Variants in RNF152 observed in about 807,000 individuals in gnomAD.
RNF152 encodes the protein ring finger protein 152.
In RNF152, 11 loss-of-function variants were observed where a neutral mutation model predicts 12.7. The observed-to-expected ratio is 0.86, with a 90% CI of 0.54 to 1.43. RNF152 has a LOEUF of 1.43. RNF152 is among the 40% of genes most tolerant of loss of function. RNF152 has a pLI of 0.00. For missense variants in RNF152, 255 were observed against 274.8 expected (o/e 0.93, Z 0.51); for synonymous variants, 113 against 120.3 (o/e 0.94, Z 0.40).
chr18:61,850,114 T>C (rs946841297), intron 1 of RNF152, among the ~76,000 whole-genome samples: 24 of 152,224 alleles, frequency 1.6e-4, no homozygotes, highest in Non-Finnish European at 1.2e-4. Context: ...AATAATACGG[T>C]AGTGTTGAAA....
chr18:61,829,237 G>A (rs776112129), intron 1 of RNF152, among the ~76,000 whole-genome samples: 13 of 152,280 alleles, frequency 8.5e-5, no homozygotes, highest in Admixed American at 3.9e-4. Context: ...GGAAGGAGAC[G>A]CAGGGCACAG....
At chr18:61,861,324 G>A (rs1911467469) in intron 1 of RNF152, among the ~76,000 whole-genome samples, 1 of 152,050 alleles carries the variant, frequency 6.6e-6, no homozygotes, top group Non-Finnish European at 1.5e-5. Context: ...TCTCTTCCAT[G>A]TTTGCATAAA....
At chr18:61,844,831 C>T (rs1357090705) in intron 1 of RNF152, among the ~76,000 whole-genome samples, 3 of 151,664 alleles carry the variant, frequency 2.0e-5, no homozygotes, top group African/African-American at 4.9e-5. Context: ...TTTTAAAAGG[C>T]TCTGATGACC....
intron 1 of RNF152, among the ~76,000 whole-genome samples, chr18:61,839,912 A>T (rs1179976868): frequency 6.6e-6 from 1 of 152,100 alleles, no homozygotes; most frequent in African/African-American, 2.4e-5. Context: ...TTGTGACAGG[A>T]AAAAATATTT....
chr18:61,877,216 G>A (rs967163432), intron 1 of RNF152, among the ~76,000 whole-genome samples: 3 of 152,200 alleles, frequency 2.0e-5, no homozygotes, highest in African/African-American at 7.2e-5. Context: ...TTGGTCAGGG[G>A]TTCTGCGTAG....
intron 1 of RNF152, among the ~76,000 whole-genome samples, chr18:61,889,609 T>C (rs1912859089): frequency 6.6e-6 from 1 of 152,156 alleles, no homozygotes; most frequent in Non-Finnish European, 1.5e-5. Context: ...GTCCCTAAAC[T>C]CTCTGGGTGT....
At chr18:61,845,310 G>A (rs559970937) in intron 1 of RNF152, among the ~76,000 whole-genome samples, 4 of 152,348 alleles carry the variant, frequency 2.6e-5, no homozygotes, top group African/African-American at 7.2e-5. Context: ...TGTAAGAAGA[G>A]CAATGCTAGG....
chr18:61,860,708 G>GC (rs1395253215), intron 1 of RNF152, among the ~76,000 whole-genome samples: 1 of 152,150 alleles, frequency 6.6e-6, no homozygotes, highest in African/African-American at 2.4e-5. Flanking sequence ...ACTGTAAAAT[G>GC]CCCCAGGCAA....
chr18:61,880,610 A>T (rs190920801), intron 1 of RNF152, among the ~76,000 whole-genome samples: 17 of 151,742 alleles, frequency 1.1e-4, no homozygotes, highest in African/African-American at 4.1e-4. Context: ...TATCTCCCCC[A>T]CTCTCCCAAA....
intron 1 of RNF152, among the ~76,000 whole-genome samples, chr18:61,857,865 C>T (rs569798002): frequency 6.6e-6 from 1 of 152,264 alleles, no homozygotes; most frequent in East Asian, 1.9e-4. Context: ...AGAGCATTTT[C>T]CAAAATAACA....
chr18:61,823,389 G>C (rs1391123956), intron 1 of RNF152, among the ~76,000 whole-genome samples: 1 of 152,198 alleles, frequency 6.6e-6, no homozygotes, highest in Non-Finnish European at 1.5e-5. Flanking sequence ...TCCGCTTCTT[G>C]GGTCCAGGCT....
intron 1 of RNF152, among the ~76,000 whole-genome samples, chr18:61,854,003 A>G (rs1436341660): frequency 1.3e-5 from 2 of 152,184 alleles, no homozygotes; most frequent in African/African-American, 2.4e-5. Context: ...CCTGAGGTCC[A>G]GGGTTGACTT....
At chr18:61,878,809 T>C (rs1028373063) in intron 1 of RNF152, among the ~76,000 whole-genome samples, 3 of 152,216 alleles carry the variant, frequency 2.0e-5, no homozygotes, top group Admixed American at 6.5e-5. Flanking sequence ...AGAGCCTTCA[T>C]GGCCTAATCA....
intron 1 of RNF152, among the ~76,000 whole-genome samples, chr18:61,843,627 C>T (rs764692741): frequency 6.6e-6 from 1 of 152,118 alleles, no homozygotes; most frequent in African/African-American, 2.4e-5. Context: ...AGCCTTAAAA[C>T]AGCAGGAAAT....
chr18:61,879,483 A>G (rs1912361520), intron 1 of RNF152, among the ~76,000 whole-genome samples: 2 of 152,110 alleles, frequency 1.3e-5, no homozygotes, highest in African/African-American at 4.8e-5. Context: ...GACTGTATAT[A>G]TGGTACTTAT....
At chr18:61,833,862 A>G (rs2144654870) in intron 1 of RNF152, among the ~76,000 whole-genome samples, 1 of 149,752 alleles carries the variant, frequency 6.7e-6, no homozygotes, top group East Asian at 1.9e-4. Context: ...CTACTTTCAT[A>G]ACCTGGTTGC....
chr18:61,841,248 T>A (rs532373170), intron 1 of RNF152, among the ~76,000 whole-genome samples: 2 of 152,278 alleles, frequency 1.3e-5, no homozygotes, highest in Non-Finnish European at 2.9e-5. Context: ...AGGCCTAAAA[T>A]TCTGGACATT....
At chr18:61,852,854 C>T (rs781144344) in intron 1 of RNF152, among the ~76,000 whole-genome samples, 32 of 152,078 alleles carry the variant, frequency 2.1e-4, no homozygotes, top group Non-Finnish European at 4.1e-4. Context: ...CTAATGGCCA[C>T]GAATAATTTC....
chr18:61,854,686 A>T (rs774605567), intron 1 of RNF152, among the ~76,000 whole-genome samples: 6 of 152,170 alleles, frequency 3.9e-5, no homozygotes, highest in African/African-American at 1.4e-4. Context: ...TCATACTGCT[A>T]TTGGTAACCT....
Sources: allele counts gnomAD v4.1 joint callset (sites outside exome capture counted in the v4.1 genomes callset), GRCh38; gene constraint gnomAD v4.1.1; transcripts MANE v1.5; gene names NCBI Gene and HGNC (gene_info 2026-07-23, HGNC 2026-07-21).